RIMS2: variants seen among roughly 807,000 people sequenced by gnomAD.
RIMS2 encodes regulating synaptic membrane exocytosis protein 2.
Under a neutral mutation model 174.4 loss-of-function variants are expected in RIMS2, and 59 were observed. That is an observed-to-expected ratio of 0.34 (90% CI 0.27 to 0.42). RIMS2 has a LOEUF of 0.42. Ranked by LOEUF, RIMS2 falls within the 10% of genes least tolerant of loss-of-function variation. The pLI, the probability that RIMS2 is intolerant of heterozygous loss-of-function variation, is 1.00. For missense variants in RIMS2, 1,620 were observed against 1,666.3 expected (o/e 0.97, Z 0.48); for synonymous variants, 606 against 572.5 (o/e 1.06, Z -0.84).
intron 19 of RIMS2, among the ~76,000 whole-genome samples, chr8:104,028,839 A>G (rs1004685285): frequency 6.6e-6 from 1 of 152,228 alleles, no homozygotes; most frequent in African/African-American, 2.4e-5. Flanking sequence ...GGATTCTCGT[A>G]TCTCAAACAA....
chr8:103,532,642 AGTT>A (rs1328473564), intron 1 of RIMS2, among the ~76,000 whole-genome samples: 1 of 152,216 alleles, frequency 6.6e-6, no homozygotes, highest in Non-Finnish European at 1.5e-5. Context: ...GGCAGAATTG[AGTT>A]GTTGAGACAG....
intron 1 of RIMS2, among the ~76,000 whole-genome samples, chr8:103,569,228 T>C (rs1171794242): frequency 6.6e-6 from 1 of 152,106 alleles, no homozygotes; most frequent in African/African-American, 2.4e-5. Flanking sequence ...GAAATAGGAG[T>C]CTAACTTCAT....
chr8:103,706,438 T>TA (rs2097227770), intron 2 of RIMS2, among the ~76,000 whole-genome samples: 1 of 152,152 alleles, frequency 6.6e-6, no homozygotes, highest in Non-Finnish European at 1.5e-5. Context: ...TTTCTTTTTT[T>TA]TAAAAAAAAA....
At chr8:103,552,705 G>A (rs1233157862) in intron 1 of RIMS2, among the ~76,000 whole-genome samples, 3 of 152,120 alleles carry the variant, frequency 2.0e-5, no homozygotes, top group African/African-American at 7.2e-5. Flanking sequence ...ATATGACAAA[G>A]GGCTAATATC....
chr8:104,222,552 G>C (rs2099160371), intron 19 of RIMS2, among the ~76,000 whole-genome samples: 1 of 152,166 alleles, frequency 6.6e-6, no homozygotes, highest in Admixed American at 6.5e-5. Context: ...GGGATGACTT[G>C]TCTCAGATTA....
intron 1 of RIMS2, among the ~76,000 whole-genome samples, chr8:103,582,676 A>G (rs2093683812): frequency 6.6e-6 from 1 of 152,112 alleles, no homozygotes; most frequent in South Asian, 2.1e-4. Flanking sequence ...GGGGGTAATA[A>G]TGGCTACAGA....
At chr8:103,977,421 A>T (rs1222104309) in intron 16 of RIMS2, 5 of 152,232 alleles carry the variant, frequency 3.3e-5, no homozygotes, top group Admixed American at 2.6e-4. Flanking sequence ...TAATAAATTG[A>T]ACCCTTCCCT....
chr8:104,084,167 A>G (rs1310625066), intron 19 of RIMS2, among the ~76,000 whole-genome samples: 1 of 152,064 alleles, frequency 6.6e-6, no homozygotes, highest in Non-Finnish European at 1.5e-5. Context: ...GTGACCAGGC[A>G]TGGTGGCTCA....
At chr8:103,886,277 T>C in intron 4 of RIMS2, 54 bp downstream of exon 7, 1 of 1,440,728 alleles carries the variant, frequency 6.9e-7, no homozygotes, top group Non-Finnish European at 9.3e-7. Context: ...GCGTTTTTTT[T>C]AATAGATTGC....
rs1392030974 is a variant in RIMS2, at chr8:104,094,437, G to GT, written c.3334+79823dup. 4 of 575,478 alleles carry GT rather than the reference G, an allele frequency of 7.0e-6. No individual in the cohort carries two copies. In the East Asian group the frequency reaches 1.2e-4, roughly 17 times the overall value. The allele number at this position is 575,478 out of a possible 1,614,324, so 35.6% of individuals were successfully genotyped here. A position where few individuals can be genotyped will look rare whatever the true frequency, so the allele number is the denominator to read the frequency against. ...TTTTTTCTTGACTTTCTTTTTTTGT[G>GT]TGTTTATTTGCATGCCTTCAATTTC... On this transcript the variant is annotated intron_variant, in intron 19 of 23. Coordinates refer to ENST00000504942, the Ensembl canonical transcript of RIMS2.
At chr8:103,527,250 TTA>T (rs1164792405) in intron 1 of RIMS2, among the ~76,000 whole-genome samples, 3 of 152,146 alleles carry the variant, frequency 2.0e-5, no homozygotes, top group Non-Finnish European at 4.4e-5. Context: ...GGTAATACAG[TTA>T]TCCCTCAGTA....
chr8:103,786,056 G>A (rs1293718727), intron 3 of RIMS2, among the ~76,000 whole-genome samples: 5 of 151,984 alleles, frequency 3.3e-5, no homozygotes, highest in South Asian at 2.1e-4. Context: ...GTTTATTTGC[G>A]TAGAGTTGTT....
At chr8:103,616,393 A>T (rs796997563) in intron 1 of RIMS2, among the ~76,000 whole-genome samples, 23 of 152,376 alleles carry the variant, frequency 1.5e-4, no homozygotes, top group African/African-American at 5.0e-4. Context: ...GCCACCTGTG[A>T]CAAACCCACA....
chr8:103,786,798 A>AGAGC (rs2098447947), intron 3 of RIMS2, among the ~76,000 whole-genome samples: 1 of 152,198 alleles, frequency 6.6e-6, no homozygotes, highest in Non-Finnish European at 1.5e-5. Context: ...CGCTTGGTGC[A>AGAGC]GAGCTGAGTT....
intron 19 of RIMS2, among the ~76,000 whole-genome samples, chr8:104,046,820 A>G (rs932530640): frequency 2.0e-5 from 3 of 152,056 alleles, no homozygotes; most frequent in Non-Finnish European, 4.4e-5. Context: ...CACTCAGTCT[A>G]TAAGGAGGCA....
At chr8:103,561,190 A>G (rs1286382680) in intron 1 of RIMS2, among the ~76,000 whole-genome samples, 1 of 152,106 alleles carries the variant, frequency 6.6e-6, no homozygotes, top group Non-Finnish European at 1.5e-5. Context: ...TATCTTAGTC[A>G]TTTATATTTA....
chr8:103,566,803 C>T (rs943692112), intron 1 of RIMS2, among the ~76,000 whole-genome samples: 2 of 152,168 alleles, frequency 1.3e-5, no homozygotes, highest in Non-Finnish European at 2.9e-5. Flanking sequence ...CAGTTATCTC[C>T]CTTTCTGTCT....
chr8:104,137,111 T>C (rs2098527297), intron 19 of RIMS2, among the ~76,000 whole-genome samples: 1 of 152,186 alleles, frequency 6.6e-6, no homozygotes, highest in African/African-American at 2.4e-5. Context: ...CTTTTCAAAT[T>C]TGAAATTACC....
At position 103,913,138 on chromosome 8, in the gene RIMS2, AT is replaced by A. The variant is rs535649216; in HGVS notation, c.1812+979del. ...TAGGCGCGCACCACCATACCCAGCTATTTTTTTTTTTTTGTATTTTTAGTAG... is the reference window on the plus strand; with the variant it reads ...TAGGCGCGCACCACCATACCCAGCTATTTTTTTTTTTTGTATTTTTAGTAG... On this transcript the variant is annotated intron_variant, in intron 6 of 23. Transcript: ENST00000504942. Among the ~76,000 whole-genome samples, 1,056 of 131,108 alleles carry A rather than the reference AT, an allele frequency of 8.1e-3. 9 individuals are homozygous for A. The highest frequency in any genetic ancestry group is 0.023 in the African/African-American group (781 of 33,568). The allele number at this position is 131,108 out of a possible 152,430, so 86.0% of individuals were successfully genotyped here. A position where few individuals can be genotyped will look rare whatever the true frequency, so the allele number is the denominator to read the frequency against.
Sources: allele counts gnomAD v4.1 joint callset (sites outside exome capture counted in the v4.1 genomes callset), GRCh38; gene constraint gnomAD v4.1.1; transcripts MANE v1.5; gene names NCBI Gene and HGNC (gene_info 2026-07-23, HGNC 2026-07-21).